MTHFD1L: variants seen among roughly 807,000 people sequenced by gnomAD.
MTHFD1L encodes monofunctional C1-tetrahydrofolate synthase, mitochondrial.
A neutral mutation model predicts 119.5 loss-of-function variants in MTHFD1L; 81 were observed. The observed-to-expected ratio is 0.68, with a 90% CI of 0.57 to 0.82. The LOEUF (loss-of-function observed/expected upper bound fraction) is 0.82, where lower values mean the gene tolerates loss of function less well. MTHFD1L is among the 40% of genes least tolerant of loss of function. The probability of loss-of-function intolerance (pLI) is 0.00; values close to 1 mark genes in which losing one functional copy is unlikely to be tolerated. For synonymous variants in MTHFD1L, 430 were observed against 475.2 expected, an observed-to-expected ratio of 0.90 and a Z score of 1.24; for missense variants, 1,125 against 1,253.4, an observed-to-expected ratio of 0.90 and a Z score of 1.55.
chr6:151,059,235 C>A (rs951188391), intron 26 of MTHFD1L, among the ~76,000 whole-genome samples: 1 of 152,040 alleles, frequency 6.6e-6, no homozygotes, highest in Non-Finnish European at 1.5e-5. Context: ...GTTTTAGATG[C>A]AGTCTCACTC....
At chr6:150,992,783 A>G (rs1442298053) in intron 20 of MTHFD1L, among the ~76,000 whole-genome samples, 1 of 152,164 alleles carries the variant, frequency 6.6e-6, no homozygotes, top group Non-Finnish European at 1.5e-5. Context: ...GTTGAATGGT[A>G]GGGATGCGGG....
Position 150,903,203 on chromosome 6 carries a change from A to ATTCTTTTTTTTTT in MTHFD1L, c.781-2445_781-2444insCTTTTTTTTTTTT, listed in dbSNP as rs1562348409. 3.5e-5 allele frequency among the ~76,000 whole-genome samples: 3 copies of ATTCTTTTTTTTTT among 85,474 alleles called. 1 individual carries two copies. The highest frequency in any genetic ancestry group is 1.5e-4 in the African/African-American group (3 of 19,958). The allele number at this position is 85,474 out of a possible 152,430, so 56.1% of individuals were successfully genotyped here. On this transcript the variant is annotated intron_variant, in intron 7 of 27. Transcript: ENST00000367321. ...GATTGCTGGTGATATTGGCTGCAAA[A>ATTCTTTTTTTTTT]TTTTTTTTTTTTTTTTTTTTTTTTT...
intron 26 of MTHFD1L, among the ~76,000 whole-genome samples, chr6:151,057,718 C>T (rs1345572546): frequency 2.0e-5 from 3 of 152,138 alleles, no homozygotes; most frequent in Non-Finnish European, 4.4e-5. Flanking sequence ...GTATTTCTAC[C>T]TTTTCTTTCT....
chr6:150,940,685 A>C (rs144825886), intron 13 of MTHFD1L, among the ~76,000 whole-genome samples: 22 of 151,984 alleles, frequency 1.4e-4, no homozygotes, highest in African/African-American at 5.3e-4. Context: ...GGTTCAAGTG[A>C]TTCTCCTGCC....
chr6:151,026,820 C>CTTTTTTT lies in MTHFD1L; in HGVS notation c.2587-7652_2587-7646dup, dbSNP rs1158007442. 2.7e-4 allele frequency among the ~76,000 whole-genome samples: 14 copies of CTTTTTTT among 51,284 alleles called. 4 individuals carry two copies. Among genetic ancestry groups the CTTTTTTT allele is most frequent in the Admixed American group, 6.7e-4 (2 of 2,970 alleles). 33.6% of individuals were successfully genotyped at this position (51,284 alleles called of 152,430 possible). On this transcript the variant is annotated intron_variant, in intron 24 of 27. Coordinates refer to ENST00000367321, the MANE Select transcript of MTHFD1L (RefSeq NM_015440.5). ...TGAGATTTTTCCTGTCCTTTCTATC[C>CTTTTTTT]TTTTTTTTTTTTTTTTTTTTTTTTT...
At chr6:150,961,089 C>A (rs1796368207) in intron 18 of MTHFD1L, among the ~76,000 whole-genome samples, 1 of 113,410 alleles carries the variant, frequency 8.8e-6, no homozygotes, top group Non-Finnish European at 1.8e-5. Flanking sequence ...TTCCTGTTAA[C>A]TTTTTTTTTT....
At chr6:150,996,627 T>G (rs750134457) in intron 20 of MTHFD1L, among the ~76,000 whole-genome samples, 2 of 152,188 alleles carry the variant, frequency 1.3e-5, no homozygotes, top group Non-Finnish European at 2.9e-5. Flanking sequence ...AGCTCAGCCC[T>G]GGTTCCTGCT....
intron 24 of MTHFD1L, 96 bp from the exon 25 acceptor site, chr6:151,034,397 A>G (rs1477564467): frequency 1.2e-6 from 1 of 823,304 alleles, no homozygotes; most frequent in Non-Finnish European, 2.0e-6. Context: ...CTGATAAGGG[A>G]ATTTTAAGCA....
intron 20 of MTHFD1L, among the ~76,000 whole-genome samples, chr6:151,003,256 G>C (rs1780871593): frequency 6.6e-6 from 1 of 152,302 alleles, no homozygotes; most frequent in South Asian, 2.1e-4. Context: ...AGTTGGCCGG[G>C]CGCCGTGGCT....
intron 20 of MTHFD1L, among the ~76,000 whole-genome samples, chr6:150,979,581 AC>A (rs1777129648): frequency 6.6e-6 from 1 of 151,648 alleles, no homozygotes. Flanking sequence ...GCTCACTGCA[AC>A]CTCCGCCTCC....
At chr6:150,912,011 G>T (rs560030256) in intron 8 of MTHFD1L, among the ~76,000 whole-genome samples, 6 of 152,134 alleles carry the variant, frequency 3.9e-5, no homozygotes, top group African/African-American at 1.4e-4. Flanking sequence ...CATATCAGAG[G>T]AGGAGGTGCA....
intron 8 of MTHFD1L, chr6:150,913,059 G>A (rs1421637144): frequency 6.5e-6 from 1 of 154,652 alleles, no homozygotes; most frequent in South Asian, 2.0e-4. Flanking sequence ...ATCCAGGCAG[G>A]AATGCAGTGG....
chr6:150,932,843 G>GAA (rs1432193734), intron 11 of MTHFD1L, among the ~76,000 whole-genome samples: 1 of 141,782 alleles, frequency 7.1e-6, no homozygotes, highest in African/African-American at 2.8e-5. Context: ...AGGAAGGAAG[G>GAA]GAGAGAGAGT....
At chr6:150,959,540 G>T (rs1210682857) in intron 17 of MTHFD1L, among the ~76,000 whole-genome samples, 3 of 152,196 alleles carry the variant, frequency 2.0e-5, no homozygotes, top group Non-Finnish European at 2.9e-5. Flanking sequence ...CAAAAAGTCT[G>T]TGCTCTCTAG....
chr6:151,056,177 A>G (rs1190955438), intron 26 of MTHFD1L: 1 of 152,176 alleles, frequency 6.6e-6, no homozygotes, highest in East Asian at 1.9e-4. Context: ...ACTTTCTGTC[A>G]TCCGTTAGGT....
intron 20 of MTHFD1L, among the ~76,000 whole-genome samples, chr6:150,994,071 A>G (rs111707555): frequency 2.1e-5 from 3 of 141,662 alleles, no homozygotes; most frequent in African/African-American, 9.2e-5. Flanking sequence ...CAGTAAAAAA[A>G]AAAAAAAAAG....
chr6:150,917,501 A>T (rs191049872), intron 8 of MTHFD1L, among the ~76,000 whole-genome samples: 2 of 150,960 alleles, frequency 1.3e-5, no homozygotes, highest in East Asian at 2.0e-4. Flanking sequence ...AAAATAAAAA[A>T]AAAAAATTTT....
chr6:151,000,383 T>C (rs1222971676), intron 20 of MTHFD1L, among the ~76,000 whole-genome samples: 1 of 152,126 alleles, frequency 6.6e-6, no homozygotes, highest in African/African-American at 2.4e-5. Context: ...CCAGTTTCTT[T>C]TTCCTTTAGG....
chr6:151,066,079 T>C (rs1570190), intron 26 of MTHFD1L, among the ~76,000 whole-genome samples: 19,034 of 152,266 alleles, frequency 0.13, 1,366 homozygotes, highest in South Asian at 0.19. Context: ...TCATCAAAAG[T>C]GATCTCCATA....
Sources: gnomAD v4.1 joint callset for allele counts (sites outside exome capture counted in the v4.1 genomes callset) on GRCh38, gnomAD v4.1.1 for gene constraint, MANE v1.5 for transcripts, NCBI Gene and HGNC (gene_info 2026-07-23, HGNC 2026-07-21) for gene names.